AOAH: variants seen among roughly 807,000 people sequenced by gnomAD.
AOAH encodes the protein acyloxyacyl hydrolase.
A neutral mutation model predicts 92.2 loss-of-function variants in AOAH; 64 were observed. The ratio of observed to expected loss-of-function variants is 0.69; its 90% confidence interval spans 0.57 to 0.86. The LOEUF is 0.86. Ranked by LOEUF, AOAH falls within the 40% of genes least tolerant of loss-of-function variation. The pLI is 0.00. For synonymous variants in AOAH, 263 were observed against 254.5 expected, an observed-to-expected ratio of 1.03 and a Z score of -0.32; for missense variants, 656 against 694.6, an observed-to-expected ratio of 0.94 and a Z score of 0.62.
chr7:36,551,442 CCAT>C (rs1212539797), intron 13 of AOAH, among the ~76,000 whole-genome samples: 1 of 152,106 alleles, frequency 6.6e-6, no homozygotes, highest in African/African-American at 2.4e-5. Flanking sequence ...TGTTGTGCAA[CCAT>C]CATCACCACC....
intron 11 of AOAH, among the ~76,000 whole-genome samples, chr7:36,604,912 C>A (rs1462705754): frequency 6.6e-6 from 1 of 152,232 alleles, no homozygotes; most frequent in Non-Finnish European, 1.5e-5. Context: ...GACCTCTTTG[C>A]TGCTTTCTGC....
chr7:36,517,156 G>GTCTT (rs1554360832), intron 20 of AOAH, among the ~76,000 whole-genome samples: 4,075 of 95,330 alleles, frequency 0.043, 164 homozygotes, highest in Middle Eastern at 0.08. Flanking sequence ...ATCCATGTTA[G>GTCTT]TCTTTCTTTC....
intron 4 of AOAH, among the ~76,000 whole-genome samples, chr7:36,646,916 T>G (rs2116404206): frequency 6.6e-6 from 1 of 152,364 alleles, no homozygotes; most frequent in East Asian, 1.9e-4. Context: ...AAATTCCTTT[T>G]GCTGTCCAAG....
rs529263809 is a variant in AOAH at position 36,647,383 on chromosome 7, A to T, written c.391-9473T>A. On this transcript the variant is annotated intron_variant, in intron 4 of 20. Transcript: ENST00000617537. Reference sequence around the variant, plus strand: ...GCAGTGATTAAAGCCTTAAAACTCAAAGGATCTTTTAGAACCATTCCCAGT... The same window carrying T: ...GCAGTGATTAAAGCCTTAAAACTCATAGGATCTTTTAGAACCATTCCCAGT... 7.9e-5 allele frequency among the ~76,000 whole-genome samples: 12 copies of T among 152,326 alleles called. No individual in the cohort carries two copies. In the South Asian group the frequency reaches 2.5e-3, roughly 32 times the overall value.
intron 2 of AOAH, among the ~76,000 whole-genome samples, chr7:36,685,422 G>T (rs1460213069): frequency 1.3e-5 from 2 of 152,188 alleles, no homozygotes; most frequent in Non-Finnish European, 2.9e-5. Flanking sequence ...GGAGGCCACT[G>T]ATCTGTTCTT....
chr7:36,558,479 T>C (rs1191227868), intron 13 of AOAH, among the ~76,000 whole-genome samples: 2 of 152,232 alleles, frequency 1.3e-5, no homozygotes, highest in Non-Finnish European at 2.9e-5. Context: ...TTCTCAGATC[T>C]CCAGCTGTGT....
At chr7:36,649,232 C>T (rs1461173577) in intron 4 of AOAH, among the ~76,000 whole-genome samples, 2 of 152,278 alleles carry the variant, frequency 1.3e-5, no homozygotes, top group Non-Finnish European at 2.9e-5. Context: ...AATTTGATTG[C>T]TCTGGAAAGC....
At chr7:36,700,947 T>C (rs1363978165) in intron 1 of AOAH, among the ~76,000 whole-genome samples, 2 of 152,078 alleles carry the variant, frequency 1.3e-5, no homozygotes, top group East Asian at 3.8e-4. Flanking sequence ...ATGTTGAACA[T>C]TGTTTAATAT....
At chr7:36,637,636 G>GTGTC (rs147300535) in intron 5 of AOAH, among the ~76,000 whole-genome samples, 4,044 of 152,188 alleles carry the variant, frequency 0.027, 181 homozygotes, top group African/African-American at 0.093. Flanking sequence ...TCTGCCCCAG[G>GTGTC]TGTCAGCAGT....
At chr7:36,638,145 C>T (rs1793649745) in intron 4 of AOAH, among the ~76,000 whole-genome samples, 1 of 152,222 alleles carries the variant, frequency 6.6e-6, no homozygotes, top group Non-Finnish European at 1.5e-5. Context: ...CTTATTTACT[C>T]TTCAAACAGC....
chr7:36,535,082 GTC>G lies in AOAH; in HGVS notation c.1307-2740_1307-2739del, dbSNP rs570120157. Among the ~76,000 whole-genome samples the G allele has an allele frequency of 4.8e-4, 56 of 115,582 alleles. 2 individuals are homozygous for G. The East Asian group carries it at 0.015, about 32-fold the overall frequency. The allele number at this position is 115,582 out of a possible 152,430, so 75.8% of individuals were successfully genotyped here. A position where few individuals can be genotyped will look rare whatever the true frequency, so the allele number is the denominator to read the frequency against. Reference sequence around the variant, plus strand: ...TGTGTGTGTATCCGTGTGTGTCTGTGTCTCTGTGTGTGTGTTTGTGTGTGTCT... The same window carrying G: ...TGTGTGTGTATCCGTGTGTGTCTGTGTCTGTGTGTGTGTTTGTGTGTGTCT... On this transcript the variant is annotated intron_variant, in intron 16 of 20. Coordinates refer to ENST00000617537, the MANE Select transcript of AOAH (RefSeq NM_001637.4).
intron 19 of AOAH, among the ~76,000 whole-genome samples, chr7:36,526,037 A>G (rs1295776126): frequency 6.6e-6 from 1 of 152,180 alleles, no homozygotes; most frequent in African/African-American, 2.4e-5. Flanking sequence ...TGTCATCACC[A>G]TAGTCCAGCA....
intron 20 of AOAH, among the ~76,000 whole-genome samples, chr7:36,515,729 C>CA (rs1783635129): frequency 8.1e-6 from 1 of 123,214 alleles, no homozygotes; most frequent in South Asian, 2.9e-4. Context: ...CACACCAACA[C>CA]CACACACACA....
intron 19 of AOAH, among the ~76,000 whole-genome samples, chr7:36,529,823 TTGTG>T (rs1198502558): frequency 6.6e-6 from 1 of 152,230 alleles, no homozygotes; most frequent in East Asian, 1.9e-4. Context: ...ATGCCTGTTT[TTGTG>T]TGGCCACTCA....
At chr7:36,674,147 A>G (rs1355607562) in intron 2 of AOAH, 138 bp from the exon 3 acceptor site, 1 of 606,184 alleles carries the variant, frequency 1.6e-6, no homozygotes, top group African/African-American at 1.9e-5. Context: ...TTTGAAGGAA[A>G]TGTTTCAGCT....
rs1554360832 is a variant in AOAH, at chr7:36,517,156, G to GTCTTTCTTTCTTTCTT, written c.1600-3792_1600-3777dup. Among the ~76,000 whole-genome samples, 797 of 95,390 alleles carry GTCTTTCTTTCTTTCTT rather than the reference G, an allele frequency of 8.4e-3. 37 individuals carry two copies. Among genetic ancestry groups the GTCTTTCTTTCTTTCTT allele is most frequent in the African/African-American group, 0.028 (672 of 24,246 alleles). The allele number at this position is 95,390 out of a possible 152,430, so 62.6% of individuals were successfully genotyped here. A position where few individuals can be genotyped will look rare whatever the true frequency, so the allele number is the denominator to read the frequency against. Reference sequence around the variant, plus strand: ...CCCTTTCCTCTCTTTATCCATGTTAGTCTTTCTTTCTTTCTTTCTTTCTTT... The same window carrying GTCTTTCTTTCTTTCTT: ...CCCTTTCCTCTCTTTATCCATGTTAGTCTTTCTTTCTTTCTTTCTTTCTTTCTTTCTTTCTTTCTTT... On this transcript the variant is annotated intron_variant, in intron 20 of 20. Transcript: ENST00000617537.
intron 4 of AOAH, among the ~76,000 whole-genome samples, chr7:36,647,548 G>T (rs1794298591): frequency 6.6e-6 from 1 of 152,142 alleles, no homozygotes; most frequent in Admixed American, 6.5e-5. Context: ...ACCTTCCTTG[G>T]AATAATTTGA....
chr7:36,528,564 C>G (rs1784520281), intron 19 of AOAH, among the ~76,000 whole-genome samples: 1 of 152,152 alleles, frequency 6.6e-6, no homozygotes, highest in Non-Finnish European at 1.5e-5. Context: ...AGCTCTTAAT[C>G]TTGAGGCATT....
chr7:36,522,289 C>T (rs1023303654), intron 19 of AOAH, among the ~76,000 whole-genome samples, 174 bp from the exon 20 acceptor site: 2 of 152,198 alleles, frequency 1.3e-5, no homozygotes, highest in South Asian at 4.1e-4. Context: ...ATGATCTTCC[C>T]GCTGTGTGTG....
Sources: allele counts gnomAD v4.1 joint callset (sites outside exome capture counted in the v4.1 genomes callset), GRCh38; gene constraint gnomAD v4.1.1; transcripts MANE v1.5; gene names NCBI Gene and HGNC (gene_info 2026-07-23, HGNC 2026-07-21).